Variants in TXLNG observed in about 807,000 individuals in gnomAD.
TXLNG encodes the protein gamma-taxilin.
A neutral mutation model predicts 38.8 loss-of-function variants in TXLNG; 5 were observed. The observed-to-expected ratio is 0.13, with a 90% confidence interval of 0.07 to 0.27. The LOEUF (loss-of-function observed/expected upper bound fraction) is 0.27, where lower values mean the gene tolerates loss of function less well. Among genes scored for constraint, TXLNG ranks in the 10% least tolerant of loss-of-function variants. The pLI is 1.00. For missense variants in TXLNG, 393 were observed against 398.2 expected (o/e 0.99, Z 0.11); for synonymous variants, 182 against 158.2 (o/e 1.15, Z -1.13).
intron 1 of TXLNG, among the ~76,000 whole-genome samples, chrX:16,788,083 G>T (rs945639190): frequency 8.9e-6 from 1 of 112,272 alleles, no homozygotes; most frequent in Non-Finnish European, 1.9e-5. Context: ...TCCTGTAAGG[G>T]ATTCAACACC....
At chrX:16,833,079 A>G (rs1167833797) in intron 6 of TXLNG, among the ~76,000 whole-genome samples, 2 of 112,487 alleles carry the variant, frequency 1.8e-5, no homozygotes, top group African/African-American at 6.5e-5. Flanking sequence ...ATCAGGTTCA[A>G]GAGTTGTGTG....
intron 1 of TXLNG, among the ~76,000 whole-genome samples, chrX:16,809,446 C>G (rs1928436962): frequency 9.5e-6 from 1 of 104,724 alleles, no homozygotes; most frequent in Non-Finnish European, 1.9e-5. Flanking sequence ...CGGGTTCAAG[C>G]CATTCTCCTG....
rs1005848911 is a variant in TXLNG, at chrX:16,842,889, C to T, written c.*1123C>T. 2 of 112,081 alleles carry T rather than the reference C, an allele frequency of 1.8e-5. No homozygotes were observed. The highest frequency in any genetic ancestry group is 3.8e-5 in the Non-Finnish European group (2 of 53,201). 9.2% of individuals were successfully genotyped at this position (112,081 alleles called of 1,213,427 possible). On this transcript the variant is annotated 3_prime_UTR_variant, in exon 10 of 10. Transcript: ENST00000380122. ...GTTCAGTCTGTTTTCTCACCCCCTTCTTAGTTACCATCTCTTTTTTAAGAA... is the reference window on the plus strand; with the variant it reads ...GTTCAGTCTGTTTTCTCACCCCCTTTTTAGTTACCATCTCTTTTTTAAGAA...
chrX:16,826,889 C>A (rs1351395271), intron 3 of TXLNG, among the ~76,000 whole-genome samples: 2 of 101,556 alleles, frequency 2.0e-5, no homozygotes, highest in Admixed American at 2.2e-4. Flanking sequence ...ATGGCGCGAT[C>A]CATTGCACTC....
At chrX:16,823,751 G>A (rs1929070098) in intron 3 of TXLNG, among the ~76,000 whole-genome samples, 1 of 111,469 alleles carries the variant, frequency 9.0e-6, no homozygotes, top group Non-Finnish European at 1.9e-5. Context: ...TGAAATTGTA[G>A]CATTTTGCTT....
chrX:16,841,325 T>C, intron 9 of TXLNG, 103 bp from the exon 10 acceptor site: 4 of 685,920 alleles, frequency 5.8e-6, no homozygotes, highest in East Asian at 3.3e-5. Context: ...AGACGGAACA[T>C]GTTCCATAGG....
intron 9 of TXLNG, among the ~76,000 whole-genome samples, chrX:16,840,721 G>A (rs750738605): frequency 1.5e-4 from 17 of 111,461 alleles, no homozygotes; most frequent in South Asian, 3.8e-4. Flanking sequence ...GCAGTGAGCT[G>A]AGATTGCACC....
intron 3 of TXLNG, among the ~76,000 whole-genome samples, chrX:16,822,618 C>T (rs895159101): frequency 1.3e-4 from 14 of 109,766 alleles, no homozygotes; most frequent in Middle Eastern, 4.6e-3. Flanking sequence ...CAAGAAATGG[C>T]GGAAAAAGAA....
chrX:16,787,658 A>G (rs1054458551), intron 1 of TXLNG, among the ~76,000 whole-genome samples: 5 of 111,217 alleles, frequency 4.5e-5, no homozygotes, highest in African/African-American at 1.6e-4. Flanking sequence ...GGGCCCTGGA[A>G]TGGATAATTG....
At chrX:16,812,992 C>T (rs1004757749) in intron 1 of TXLNG, among the ~76,000 whole-genome samples, 2 of 110,568 alleles carry the variant, frequency 1.8e-5, no homozygotes, top group African/African-American at 6.6e-5. Context: ...TGAGCTACTG[C>T]GCCAGTCCTA....
Position 16,841,778 on chromosome X carries a change from A to G in TXLNG, c.*12A>G. On this transcript the variant is annotated 3_prime_UTR_variant, in exon 10 of 10. Transcript: ENST00000380122. ...AGTCGGTTGACTAAGATGAGGTGTGATCACTGTATTGAGAGATATATTTTG... is the reference window on the plus strand; with the variant it reads ...AGTCGGTTGACTAAGATGAGGTGTGGTCACTGTATTGAGAGATATATTTTG... 8.4e-7 allele frequency: 1 copy of G among 1,194,117 alleles called. No individual in the cohort carries two copies. Among genetic ancestry groups the G allele is most frequent in the Non-Finnish European group, 1.1e-6 (1 of 884,141 alleles).
chrX:16,831,931 C>T lies in TXLNG; in HGVS notation c.865-692C>T, dbSNP rs140241263. Among the ~76,000 whole-genome samples the T allele has an allele frequency of 2.4e-3, 270 of 112,348 alleles. 2 individuals carry two copies. Among genetic ancestry groups the T allele is most frequent in the African/African-American group, 8.6e-3 (267 of 30,926 alleles). On this transcript the variant is annotated intron_variant, in intron 5 of 9. Coordinates refer to ENST00000380122, the MANE Select transcript of TXLNG (RefSeq NM_018360.3). ...TTTCTCCAGCTGGGAAGGGATTGTT[C>T]TGTTGACTTTATTATACATCAGTAA...
At chrX:16,824,311 C>T (rs1370657560) in intron 3 of TXLNG, among the ~76,000 whole-genome samples, 4 of 110,114 alleles carry the variant, frequency 3.6e-5, no homozygotes, top group Admixed American at 9.7e-5. Flanking sequence ...CACATGGCAA[C>T]CCAGCCTGGG....
At chrX:16,813,689 T>A (rs1378838173) in intron 1 of TXLNG, among the ~76,000 whole-genome samples, 7 of 106,550 alleles carry the variant, frequency 6.6e-5, no homozygotes, top group Non-Finnish European at 1.2e-4. Flanking sequence ...TTACAGTTCC[T>A]CAAAAGGTTC....
At chrX:16,824,206 A>ACACACG (rs776815383) in intron 3 of TXLNG, among the ~76,000 whole-genome samples, 76 of 112,014 alleles carry the variant, frequency 6.8e-4, no homozygotes, top group South Asian at 1.1e-3. Context: ...GTACACACAC[A>ACACACG]CACACGCACA....
At chrX:16,809,237 T>C (rs1400609867) in intron 1 of TXLNG, among the ~76,000 whole-genome samples, 1 of 110,824 alleles carries the variant, frequency 9.0e-6, no homozygotes, top group African/African-American at 3.3e-5. Context: ...CTGGACTCCT[T>C]GGTGGTTAAG....
chrX:16,792,747 C>T lies in TXLNG; in HGVS notation c.102+6158C>T, dbSNP rs180900879. Among the ~76,000 whole-genome samples, 993 of 108,505 alleles carry T rather than the reference C, an allele frequency of 9.2e-3. 18 individuals are homozygous for T. The highest frequency in any genetic ancestry group is 0.069 in the East Asian group (238 of 3,431). 94.2% of individuals were successfully genotyped at this position (108,505 alleles called of 115,157 possible). On this transcript the variant is annotated intron_variant, in intron 1 of 9. Coordinates refer to ENST00000380122, the MANE Select transcript of TXLNG (RefSeq NM_018360.3). ...AGTGAGCCACGATTGGGCCACTGCT[C>T]TAGCCTGGGCAAGAGAGTGAGATCC...
chrX:16,838,864 C>G (rs914876316), intron 8 of TXLNG, among the ~76,000 whole-genome samples: 2 of 112,029 alleles, frequency 1.8e-5, no homozygotes, highest in Non-Finnish European at 3.8e-5. Context: ...TCCGTGGCTG[C>G]AGAGATCACC....
chrX:16,821,790 A>G (rs773868746), intron 3 of TXLNG, among the ~76,000 whole-genome samples: 1 of 107,805 alleles, frequency 9.3e-6, no homozygotes, highest in African/African-American at 3.4e-5. Context: ...GGAGATCGAG[A>G]CCATCCTGGC....
Sources: gnomAD v4.1 joint callset for allele counts (sites outside exome capture counted in the v4.1 genomes callset) on GRCh38, gnomAD v4.1.1 for gene constraint, MANE v1.5 for transcripts, NCBI Gene and HGNC (gene_info 2026-07-23, HGNC 2026-07-21) for gene names.